CNTNAP2: variants seen among roughly 807,000 people sequenced by gnomAD.
CNTNAP2 encodes the protein contactin associated protein 2, also known as contactin-associated protein-like 2.
CNTNAP2 carries 98 observed loss-of-function variants against 155.2 expected under a neutral mutation model. The ratio of observed to expected loss-of-function variants is 0.63; its 90% CI spans 0.54 to 0.75. The LOEUF (loss-of-function observed/expected upper bound fraction) is 0.75, where lower values mean the gene tolerates loss of function less well. CNTNAP2 is among the 30% of genes least tolerant of loss of function. The pLI is 0.00. For missense variants in CNTNAP2, 1,727 were observed against 1,688.1 expected (o/e 1.02, Z -0.40); for synonymous variants, 651 against 631.2 (o/e 1.03, Z -0.47).
chr7:147,500,839 A>G (rs1317289648), intron 11 of CNTNAP2, among the ~76,000 whole-genome samples: 1 of 152,168 alleles, frequency 6.6e-6, no homozygotes, highest in Non-Finnish European at 1.5e-5. Context: ...TCTTTATGCC[A>G]AGTTTTGTTC....
intron 13 of CNTNAP2, among the ~76,000 whole-genome samples, chr7:147,734,503 T>G (rs2116472923): frequency 6.6e-6 from 1 of 152,316 alleles, no homozygotes; most frequent in African/African-American, 2.4e-5. Context: ...TCTGCCAGGC[T>G]TCGGTATCAG....
At chr7:148,293,170 C>T (rs1563028788) in intron 21 of CNTNAP2, among the ~76,000 whole-genome samples, 1 of 152,118 alleles carries the variant, frequency 6.6e-6, no homozygotes, top group East Asian at 1.9e-4. Context: ...TCTTCACCAC[C>T]ACCTCAATAC....
chr7:147,168,503 C>A (rs1802165770), intron 8 of CNTNAP2, among the ~76,000 whole-genome samples: 1 of 151,920 alleles, frequency 6.6e-6, no homozygotes, highest in Non-Finnish European at 1.5e-5. Flanking sequence ...TCATAATATT[C>A]CCATCTGATA....
intron 13 of CNTNAP2, among the ~76,000 whole-genome samples, chr7:147,801,309 G>GTTTT (rs57750335): frequency 0.019 from 2,422 of 130,314 alleles, 87 homozygotes; most frequent in African/African-American, 0.064. Flanking sequence ...CTTCTATGAA[G>GTTTT]TTTTTTTTTT....
chr7:147,689,817 T>A (rs1428653996), intron 13 of CNTNAP2, among the ~76,000 whole-genome samples: 3 of 150,428 alleles, frequency 2.0e-5, no homozygotes, highest in Non-Finnish European at 3.0e-5. Flanking sequence ...ACAGAAAGAA[T>A]AAAAAAAAAA....
intron 21 of CNTNAP2, among the ~76,000 whole-genome samples, chr7:148,315,203 A>T (rs1211748789): frequency 6.6e-6 from 1 of 152,158 alleles, no homozygotes; most frequent in Non-Finnish European, 1.5e-5. Flanking sequence ...ACAGCACCAA[A>T]TTTCACTTGC....
intron 5 of CNTNAP2, among the ~76,000 whole-genome samples, chr7:147,112,267 C>A (rs192469959): frequency 2.0e-5 from 3 of 152,228 alleles, no homozygotes; most frequent in Non-Finnish European, 1.5e-5. Flanking sequence ...GCTTAAGAAT[C>A]TTTTGGGCTG....
intron 8 of CNTNAP2, among the ~76,000 whole-genome samples, chr7:147,281,272 C>T (rs1361434592): frequency 6.6e-6 from 1 of 151,834 alleles, no homozygotes; most frequent in Non-Finnish European, 1.5e-5. Flanking sequence ...AGGAAGGCTG[C>T]AACATTGCTC....
At chr7:147,387,541 A>C (rs1255496557) in intron 9 of CNTNAP2, among the ~76,000 whole-genome samples, 1 of 152,122 alleles carries the variant, frequency 6.6e-6, no homozygotes, top group Non-Finnish European at 1.5e-5. Flanking sequence ...TGGTTTCTCC[A>C]ATGTAAAGTG....
At chr7:147,813,154 G>A (rs1229431511) in intron 13 of CNTNAP2, among the ~76,000 whole-genome samples, 1 of 150,664 alleles carries the variant, frequency 6.6e-6, no homozygotes. Context: ...ATGGGAGATG[G>A]ACTCATAGCT....
intron 1 of CNTNAP2, among the ~76,000 whole-genome samples, chr7:146,175,576 C>A (rs1355508309): frequency 6.6e-6 from 1 of 152,050 alleles, no homozygotes; most frequent in Non-Finnish European, 1.5e-5. Context: ...TACATGATTG[C>A]CATTAATTTT....
At chr7:148,213,138 G>C (rs1347418628) in intron 18 of CNTNAP2, among the ~76,000 whole-genome samples, 1 of 152,118 alleles carries the variant, frequency 6.6e-6, no homozygotes, top group Non-Finnish European at 1.5e-5. Context: ...CCCTGCCTCA[G>C]CTTTCACCCC....
chr7:147,651,098 A>C (rs1795443188), intron 13 of CNTNAP2, among the ~76,000 whole-genome samples: 1 of 152,278 alleles, frequency 6.6e-6, no homozygotes, highest in Non-Finnish European at 1.5e-5. Context: ...GTTCAGGTTC[A>C]ACCGGAGAAA....
intron 6 of CNTNAP2, among the ~76,000 whole-genome samples, chr7:147,124,821 T>C (rs1801200229): frequency 6.6e-6 from 1 of 151,690 alleles, no homozygotes; most frequent in African/African-American, 2.4e-5. Context: ...AAAGAAGTGA[T>C]GGAATACAAG....
At chr7:147,046,997 A>G (rs1313720733) in intron 4 of CNTNAP2, among the ~76,000 whole-genome samples, 5 of 136,452 alleles carry the variant, frequency 3.7e-5, no homozygotes, top group Admixed American at 2.3e-4. Context: ...GCACCACTGT[A>G]CTCCAACCTG....
intron 1 of CNTNAP2, among the ~76,000 whole-genome samples, chr7:146,584,021 A>G (rs1798650681): frequency 6.6e-6 from 1 of 152,202 alleles, no homozygotes; most frequent in East Asian, 1.9e-4. Flanking sequence ...ATCTAGATTT[A>G]TAAGGCATCA....
chr7:148,332,343 T>C (rs189577265), intron 21 of CNTNAP2, among the ~76,000 whole-genome samples: 1 of 152,330 alleles, frequency 6.6e-6, no homozygotes, highest in East Asian at 1.9e-4. Context: ...ACCTTCCTAT[T>C]TTATTCTTAG....
chr7:147,717,017 CT>C (rs1311589830), intron 13 of CNTNAP2, among the ~76,000 whole-genome samples: 2 of 152,030 alleles, frequency 1.3e-5, no homozygotes, highest in Non-Finnish European at 2.9e-5. Context: ...ACATAACAAT[CT>C]TCTTGGTATG....
At chr7:147,271,302 T>C (rs780643716) in intron 8 of CNTNAP2, among the ~76,000 whole-genome samples, 45 of 152,302 alleles carry the variant, frequency 3.0e-4, no homozygotes, top group Admixed American at 2.5e-3. Flanking sequence ...ATTATTTATT[T>C]TATTAAATAA....
Sources: gnomAD v4.1 joint callset for allele counts (sites outside exome capture counted in the v4.1 genomes callset) on GRCh38, gnomAD v4.1.1 for gene constraint, MANE v1.5 for transcripts, NCBI Gene and HGNC (gene_info 2026-07-23, HGNC 2026-07-21) for gene names.